The following LRP1B variants were observed in gnomAD, a reference collection of about 807,000 sequenced individuals.
LRP1B encodes LDL receptor related protein 1B.
LRP1B carries 217 observed loss-of-function variants against 556.6 expected under a neutral mutation model. The observed-to-expected ratio is 0.39, with a 90% CI of 0.35 to 0.44. The LOEUF (loss-of-function observed/expected upper bound fraction) is 0.44. LRP1B is among the 20% of genes least tolerant of loss of function. The pLI, the probability that LRP1B is intolerant of heterozygous loss-of-function variation, is 1.00. For missense variants in LRP1B, 5,053 were observed against 5,620.8 expected (o/e 0.90, Z 3.23); for synonymous variants, 2,047 against 1,865.8 (o/e 1.10, Z -2.50).
rs1197788075 is a variant in LRP1B, at chr2:141,896,305, C to T, written c.83-85904G>A. Among the ~76,000 whole-genome samples, 4 of 152,070 alleles carry T rather than the reference C, an allele frequency of 2.6e-5. No individual in the cohort carries two copies. In the East Asian group the frequency reaches 7.7e-4, roughly 29 times the overall value. On this transcript the variant is annotated intron_variant, in intron 1 of 90. Transcript: ENST00000389484. ...AATATAAAACTAGGATTAATTTTAA[C>T]ATAGTATATAGTGCTTACAAAATCA...
At chr2:141,651,933 G>C (rs1689808077) in intron 2 of LRP1B, among the ~76,000 whole-genome samples, 1 of 152,078 alleles carries the variant, frequency 6.6e-6, no homozygotes, top group Non-Finnish European at 1.5e-5. Context: ...ATTTTTACAT[G>C]TTTTAAGATC....
intron 2 of LRP1B, among the ~76,000 whole-genome samples, chr2:141,743,486 C>CTTTTTTTT (rs765968445): frequency 3.3e-4 from 36 of 108,006 alleles, no homozygotes; most frequent in Non-Finnish European, 4.4e-4. Flanking sequence ...CTGCTTTTTT[C>CTTTTTTTT]TTTTTTTTTT....
At chr2:142,009,488 T>C (rs1559019287) in intron 1 of LRP1B, among the ~76,000 whole-genome samples, 1 of 152,160 alleles carries the variant, frequency 6.6e-6, no homozygotes, top group Non-Finnish European at 1.5e-5. Context: ...AGCATTTCTC[T>C]ATAAGGTGCT....
chr2:140,829,119 G>A lies in LRP1B; in HGVS notation c.5209+10872C>T, dbSNP rs184446925. ...TATATGCATCCAACACCAAGGCACC[G>A]AAATATATAAAGCAAATATTAATAA... On this transcript the variant is annotated intron_variant, in intron 31 of 90. Coordinates refer to ENST00000389484, the MANE Select transcript of LRP1B (RefSeq NM_018557.3). 7.2e-5 allele frequency among the ~76,000 whole-genome samples: 11 copies of A among 152,092 alleles called. No homozygotes were observed. In the East Asian group the frequency reaches 1.7e-3, roughly 24 times the overall value.
chr2:140,767,388 G>A (rs933177089), intron 35 of LRP1B, among the ~76,000 whole-genome samples: 1 of 151,924 alleles, frequency 6.6e-6, no homozygotes, highest in Admixed American at 6.6e-5. Context: ...CTTAGGAAAA[G>A]TTACTTTGAC....
chr2:140,259,938 T>G (rs1681860089), intron 86 of LRP1B, among the ~76,000 whole-genome samples: 1 of 151,642 alleles, frequency 6.6e-6, no homozygotes, highest in Non-Finnish European at 1.5e-5. Flanking sequence ...CACACACAGA[T>G]GATGAAGGAA....
chr2:141,566,476 G>A (rs568163724), intron 2 of LRP1B, among the ~76,000 whole-genome samples: 8 of 152,238 alleles, frequency 5.3e-5, no homozygotes, highest in South Asian at 2.1e-4. Context: ...CAGAATGATG[G>A]TGAACTGTAT....
At chr2:141,941,219 C>A (rs1700789608) in intron 1 of LRP1B, among the ~76,000 whole-genome samples, 2 of 152,164 alleles carry the variant, frequency 1.3e-5, no homozygotes, top group African/African-American at 2.4e-5. Flanking sequence ...AATATTATGT[C>A]TGAGGAATTT....
chr2:141,138,572 A>AAT (rs70991143), intron 7 of LRP1B, among the ~76,000 whole-genome samples: 150,904 of 151,886 alleles, frequency 0.99, 74,973 homozygotes, highest in Middle Eastern at 1. Context: ...ATGCAATATA[A>AAT]ATGTCATTTT....
chr2:142,111,963 T>G (rs1707003444), intron 1 of LRP1B, among the ~76,000 whole-genome samples: 2 of 152,084 alleles, frequency 1.3e-5, no homozygotes, highest in Admixed American at 1.3e-4. Flanking sequence ...GTCACAGTGC[T>G]ATATAAGTGC....
At chr2:140,914,744 T>C (rs1352064149) in intron 21 of LRP1B, among the ~76,000 whole-genome samples, 1 of 152,044 alleles carries the variant, frequency 6.6e-6, no homozygotes, top group African/African-American at 2.4e-5. Flanking sequence ...AAAAGAGGAC[T>C]CTAAATGCCA....
chr2:140,478,438 C>T (rs533303360), intron 59 of LRP1B, among the ~76,000 whole-genome samples: 3 of 152,134 alleles, frequency 2.0e-5, no homozygotes, highest in Non-Finnish European at 2.9e-5. Flanking sequence ...CGTGAGCCAC[C>T]GTGCCAATTT....
At chr2:141,179,418 G>A (rs930332351) in intron 7 of LRP1B, among the ~76,000 whole-genome samples, 1 of 151,864 alleles carries the variant, frequency 6.6e-6, no homozygotes, top group Non-Finnish European at 1.5e-5. Flanking sequence ...TCCTAGTTTG[G>A]TTGTGGACAA....
chr2:141,848,908 A>G (rs1232953574), intron 1 of LRP1B, among the ~76,000 whole-genome samples: 1 of 151,596 alleles, frequency 6.6e-6, no homozygotes, highest in African/African-American at 2.4e-5. Context: ...TCAGATGTCC[A>G]GGGGAGTGCC....
At chr2:140,611,948 A>G (rs1683087131) in intron 41 of LRP1B, among the ~76,000 whole-genome samples, 1 of 152,126 alleles carries the variant, frequency 6.6e-6, no homozygotes, top group Non-Finnish European at 1.5e-5. Context: ...TGTACTATAA[A>G]TAAAATTGAC....
chr2:140,274,334 C>A, intron 85 of LRP1B, 90 bp downstream of exon 85: 2 of 1,178,692 alleles, frequency 1.7e-6, no homozygotes, highest in Non-Finnish European at 2.5e-6. Context: ...AGAATAAAAA[C>A]AATCTACAAA....
At chr2:140,507,390 G>A (rs549981921) in intron 52 of LRP1B, among the ~76,000 whole-genome samples, 7 of 152,100 alleles carry the variant, frequency 4.6e-5, no homozygotes, top group Non-Finnish European at 5.9e-5. Context: ...AACTAAGAAG[G>A]TTTAGAATGT....
chr2:140,844,562 A>C, intron 29 of LRP1B, among the ~76,000 whole-genome samples: 1 of 152,202 alleles, frequency 6.6e-6, no homozygotes, highest in Middle Eastern at 3.4e-3. Flanking sequence ...TTATATATTT[A>C]ATAATATTTT....
chr2:140,824,121 T>C (rs1478253214), intron 31 of LRP1B, among the ~76,000 whole-genome samples: 1 of 55,506 alleles, frequency 1.8e-5, no homozygotes, highest in African/African-American at 3.8e-5. Flanking sequence ...AAAAGGAATT[T>C]AAAAAAATAA....
Sources: allele counts gnomAD v4.1 joint callset (sites outside exome capture counted in the v4.1 genomes callset), GRCh38; gene constraint gnomAD v4.1.1; transcripts MANE v1.5; gene names NCBI Gene and HGNC (gene_info 2026-07-23, HGNC 2026-07-21).